The following NUP42 variants were observed in gnomAD, a reference collection of about 807,000 sequenced individuals.
NUP42 encodes the protein nucleoporin 42.
Under a neutral mutation model 35.9 loss-of-function variants are expected in NUP42, and 47 were observed. That is an observed-to-expected ratio of 1.31 (90% CI 1.04 to 1.67). The LOEUF is 1.67. Among genes scored for constraint, NUP42 ranks in the 40% most tolerant of loss-of-function variants. The probability of loss-of-function intolerance (pLI) is 0.00; values close to 1 mark genes in which losing one functional copy is unlikely to be tolerated. For synonymous variants in NUP42, 173 were observed against 173.3 expected (o/e 1.00, Z 0.01); for missense variants, 514 against 492.2 (o/e 1.04, Z -0.42).
Position 23,185,152 on chromosome 7 carries a change from A to AT in NUP42, c.205dup (p.Trp69LeufsTer16), listed in dbSNP as rs1785547317. The AT allele has an allele frequency of 1.9e-6, 3 of 1,614,074 alleles. No homozygotes were observed. Among genetic ancestry groups the AT allele is most frequent in the South Asian group, 1.1e-5 (1 of 91,090 alleles). ...CATCCAGTTTCTCCAAATCCACACC[A>AT]TGGGGGGGCAGCAGAGATCAAGAAA... On this transcript the variant is annotated frameshift_variant, in exon 2 of 7. Transcript: ENST00000258742. LOFTEE classifies it high-confidence loss of function.
In NUP42 at chr7:23,185,268, C is replaced by G. The variant is rs79806987; in HGVS notation, c.320C>G (p.Pro107Arg). 9.4e-5 allele frequency: 152 copies of G among 1,612,968 alleles called. 1 individual carries two copies. The East Asian group carries it at 2.9e-3, about 31-fold the overall frequency. ...GAGAACCCATTTGCTTCACTTAGTC[C>G]TGATGAGCAGAAAGATGAAAAGAAA... The part of the protein sequence containing the change: ...LSENPFASLS[P>R]DEQKDEKKLL... Residue 107 changes from proline to arginine, a missense_variant, in exon 2 of 7, where the codon CCT becomes CGT. Transcript: ENST00000258742.
intron 3 of NUP42, chr7:23,187,928 TATTCTC>T: frequency 3.9e-6 from 2 of 508,642 alleles, no homozygotes; most frequent in Non-Finnish European, 3.4e-6. Context: ...TGCTTTAGAA[TATTCTC>T]TGTCTCTCTC....
chr7:23,193,075 G>A (rs772963315), intron 3 of NUP42, among the ~76,000 whole-genome samples: 18 of 151,320 alleles, frequency 1.2e-4, no homozygotes, highest in Admixed American at 7.3e-4. Flanking sequence ...CTCTTAAGGC[G>A]GCCCGTCTGG....
Position 23,200,825 on chromosome 7 carries a change from A to C in NUP42, c.*80A>C. On this transcript the variant is annotated 3_prime_UTR_variant, in exon 7 of 7. Coordinates refer to ENST00000258742, the MANE Select transcript of NUP42 (RefSeq NM_007342.3). ...CATACAGAGATGTATATATGCATAC[A>C]TGTATATATTCATAAGGAATATAAG... The C allele has an allele frequency of 2.7e-6, 2 of 748,968 alleles. No homozygotes were observed. Among genetic ancestry groups the C allele is most frequent in the Non-Finnish European group, 4.0e-6 (2 of 494,792 alleles). The allele number at this position is 748,968 out of a possible 1,614,324, so 46.4% of individuals were successfully genotyped here.
At chr7:23,187,848 C>T (rs1414233935) in intron 3 of NUP42, among the ~76,000 whole-genome samples, 9 of 151,678 alleles carry the variant, frequency 5.9e-5, no homozygotes, top group Middle Eastern at 3.4e-3. Context: ...TCAGGTGATC[C>T]GCCCGCCACA....
At chr7:23,199,366 TA>T in intron 5 of NUP42, 91 bp from the exon 6 acceptor site, 2 of 1,113,780 alleles carry the variant, frequency 1.8e-6, no homozygotes, top group Non-Finnish European at 2.7e-6. Flanking sequence ...ATGCACATTT[TA>T]AAAACTTGAA....
intron 1 of NUP42, chr7:23,182,561 A>G (rs984730225): frequency 3.1e-6 from 3 of 969,144 alleles, no homozygotes; most frequent in Admixed American, 5.1e-5. Flanking sequence ...CTTGGGTCAG[A>G]ATCAGGACTT....
intron 4 of NUP42, 51 bp from the exon 5 acceptor site, chr7:23,196,629 T>C: frequency 7.8e-7 from 1 of 1,280,064 alleles, no homozygotes; most frequent in Non-Finnish European, 1.1e-6. Flanking sequence ...TTGAAGAAAC[T>C]AACTTAAACA....
chr7:23,190,447 C>A (rs1258644367), intron 3 of NUP42, among the ~76,000 whole-genome samples: 1 of 152,042 alleles, frequency 6.6e-6, no homozygotes, highest in Non-Finnish European at 1.5e-5. Flanking sequence ...TAATTGTTTT[C>A]TTACTTTTAA....
chr7:23,185,596 CTT>C (rs909405710), intron 2 of NUP42, among the ~76,000 whole-genome samples: 1 of 152,098 alleles, frequency 6.6e-6, no homozygotes, highest in Admixed American at 6.6e-5. Context: ...GCTTTTTCCA[CTT>C]TGTGTTGATA....
At chr7:23,189,001 T>C (rs1785697267) in intron 3 of NUP42, among the ~76,000 whole-genome samples, 1 of 152,228 alleles carries the variant, frequency 6.6e-6, no homozygotes, top group Non-Finnish European at 1.5e-5. Flanking sequence ...CCCTTGACCC[T>C]GAGTACGCAC....
At chr7:23,197,504 G>A (rs1346723442) in intron 5 of NUP42, among the ~76,000 whole-genome samples, 2 of 152,086 alleles carry the variant, frequency 1.3e-5, no homozygotes, top group East Asian at 3.8e-4. Context: ...TTTAGTTCTT[G>A]TAATGCTATT....
intron 1 of NUP42, chr7:23,182,455 T>C: frequency 7.6e-7 from 1 of 1,319,070 alleles, no homozygotes; most frequent in South Asian, 2.0e-5. Flanking sequence ...AACTGAGTTT[T>C]TAAATCGGAA....
At position 23,182,179 on chromosome 7, in the gene NUP42, C is replaced by T. The variant is rs371896223; in HGVS notation, c.94C>T (p.Arg32Trp). 9 of 1,604,282 alleles carry T rather than the reference C, an allele frequency of 5.6e-6. No homozygotes were observed. Among genetic ancestry groups the T allele is most frequent in the Non-Finnish European group, 6.8e-6 (8 of 1,173,228 alleles). Residue 32 changes from arginine to tryptophan, a missense_variant, in exon 1 of 7, where the codon CGG becomes TGG. Transcript: ENST00000258742. ...CGGTGCTAGGGGTGCAGGAGGAGGA[C>T]GGCAGCAACCGCAGCAGCAGCCTTC... ...HPGARGAGGGRQQPQQQPSGN... is the reference protein window; with the variant it reads ...HPGARGAGGGWQQPQQQPSGN...
In NUP42 at chr7:23,186,424, A is replaced by G. The variant is rs1027402339; in HGVS notation, c.351-628A>G. Among the ~76,000 whole-genome samples, 12 of 152,302 alleles carry G rather than the reference A, an allele frequency of 7.9e-5. No homozygotes were observed. In the East Asian group the frequency reaches 2.3e-3, roughly 29 times the overall value. On this transcript the variant is annotated intron_variant, in intron 2 of 6. Coordinates refer to ENST00000258742, the MANE Select transcript of NUP42 (RefSeq NM_007342.3). ...GTGATAATTCTCCTTTTATTGACAT[A>G]GTCTAAGTAGGGAGAAACTTTAATT...
chr7:23,192,772 C>G (rs1337624276), intron 3 of NUP42, among the ~76,000 whole-genome samples: 1 of 151,940 alleles, frequency 6.6e-6, no homozygotes, highest in Non-Finnish European at 1.5e-5. Context: ...GCTGTGTGTA[C>G]AGTTGACCTT....
At chr7:23,193,265 G>A (rs148284503) in intron 3 of NUP42, among the ~76,000 whole-genome samples, 1 of 152,198 alleles carries the variant, frequency 6.6e-6, no homozygotes, top group African/African-American at 2.4e-5. Context: ...GGAGCTGAGC[G>A]GGTTGCCACT....
intron 2 of NUP42, among the ~76,000 whole-genome samples, chr7:23,186,609 T>C (rs1280769832): frequency 6.6e-6 from 1 of 152,220 alleles, no homozygotes; most frequent in African/African-American, 2.4e-5. Context: ...GGTACTTTGT[T>C]CTTCCCAGTT....
chr7:23,193,769 C>T (rs978236995), intron 3 of NUP42, among the ~76,000 whole-genome samples: 3 of 152,216 alleles, frequency 2.0e-5, no homozygotes, highest in South Asian at 2.1e-4. Context: ...GACTGGGTGC[C>T]GGTGGAGCAG....
Sources: gnomAD v4.1 joint callset for allele counts (sites outside exome capture counted in the v4.1 genomes callset) on GRCh38, gnomAD v4.1.1 for gene constraint, MANE v1.5 for transcripts, NCBI Gene and HGNC (gene_info 2026-07-23, HGNC 2026-07-21) for gene names.